The following WNT3A variants were observed in gnomAD, a reference collection of about 807,000 sequenced individuals.
WNT3A encodes the protein Wnt family member 3A, also known as protein Wnt-3a.
In WNT3A, 17 loss-of-function variants were observed where a neutral mutation model predicts 37.0. The ratio of observed to expected loss-of-function variants is 0.46; its 90% CI spans 0.31 to 0.69. The LOEUF (loss-of-function observed/expected upper bound fraction) is 0.69. Ranked by LOEUF, WNT3A falls within the 30% of genes least tolerant of loss-of-function variation. The pLI is 0.05. For missense variants in WNT3A, 411 were observed against 510.2 expected (o/e 0.81, Z 1.87); for synonymous variants, 187 against 211.0 (o/e 0.89, Z 0.99).
chr1:228,016,354 G>A (rs1571793538), intron 1 of WNT3A, among the ~76,000 whole-genome samples: 1 of 152,250 alleles, frequency 6.6e-6, no homozygotes, highest in East Asian at 1.9e-4. Flanking sequence ...CACGCTCCTG[G>A]GGCCACCCTG....
At chr1:228,032,020 C>T (rs2031022791) in intron 2 of WNT3A, among the ~76,000 whole-genome samples, 1 of 152,184 alleles carries the variant, frequency 6.6e-6, no homozygotes, top group Non-Finnish European at 1.5e-5. Context: ...CAGAGGGGAA[C>T]ATGCCATTCC....
chr1:228,056,255 A>G (rs1244685215), intron 3 of WNT3A, among the ~76,000 whole-genome samples: 1 of 152,256 alleles, frequency 6.6e-6, no homozygotes, highest in Non-Finnish European at 1.5e-5. Context: ...CCTCTGAGGA[A>G]GGACTCTAAC....
intron 2 of WNT3A, among the ~76,000 whole-genome samples, chr1:228,040,603 G>A (rs1393478102): frequency 6.6e-6 from 1 of 152,172 alleles, no homozygotes; most frequent in Non-Finnish European, 1.5e-5. Context: ...TGGAAACATG[G>A]CCGGGCGCAG....
chr1:228,013,293 C>A (rs990970152), intron 1 of WNT3A, among the ~76,000 whole-genome samples: 1 of 152,204 alleles, frequency 6.6e-6, no homozygotes, highest in Non-Finnish European at 1.5e-5. Context: ...ATCCCCCACC[C>A]CACCCCTCAC....
At chr1:228,044,493 A>ATTTTTGCAGAACAGCCAT (rs752302815) in intron 2 of WNT3A, among the ~76,000 whole-genome samples, 11 of 152,124 alleles carry the variant, frequency 7.2e-5, no homozygotes, top group Non-Finnish European at 1.6e-4. Flanking sequence ...TCTGAGGAGC[A>ATTTTTGCAGAACAGCCAT]CAATTAGGCA....
At position 228,059,115 on chromosome 1, in the gene WNT3A, A is replaced by G. The variant is rs148923278; in HGVS notation, c.709A>G (p.Ser237Gly). The change falls in exon 4 of 4, where the codon AGC becomes GGC. Residue 237 changes from serine (S) to glycine (G), a missense_variant. Transcript: ENST00000284523. Reference sequence around the variant, plus strand: ...TGACTTCCTCAAGGACAAGTACGACAGCGCCTCGGAGATGGTGGTGGAGAA... The same window carrying G: ...TGACTTCCTCAAGGACAAGTACGACGGCGCCTCGGAGATGGTGGTGGAGAA... The part of the protein sequence containing the change: ...IGDFLKDKYD[S>G]ASEMVVEKHR... The G allele has an allele frequency of 2.1e-5, 34 of 1,613,648 alleles. No individual in the cohort carries two copies. The highest frequency in any genetic ancestry group is 2.9e-5 in the Non-Finnish European group (34 of 1,179,986).
intron 2 of WNT3A, among the ~76,000 whole-genome samples, chr1:228,029,548 G>T (rs2030946589): frequency 6.6e-6 from 1 of 152,132 alleles, no homozygotes; most frequent in South Asian, 2.1e-4. Context: ...TTGCAGTCCT[G>T]GGGGTCCTGT....
At chr1:228,055,182 ATATATATATAT>A (rs1558296194) in intron 3 of WNT3A, among the ~76,000 whole-genome samples, 5 of 26,106 alleles carry the variant, frequency 1.9e-4, no homozygotes, top group African/African-American at 7.7e-4. Context: ...AAAAAAAAAT[ATATATATATAT>A]ATATATATAT....
chr1:228,031,442 G>A lies in WNT3A; in HGVS notation c.313+8534G>A, dbSNP rs1245961297. ...TGGAGATAGCTGCCAGGGTGCACAG[G>A]AGTCAGGTCCCAGGGCCGTGCAGCT... On this transcript the variant is annotated intron_variant, in intron 2 of 3. Transcript: ENST00000284523. The surrounding 1 kb of genome is among the most constrained non-coding windows in gnomAD (Gnocchi z 4.8). 6.6e-6 allele frequency among the ~76,000 whole-genome samples: 1 copy of A among 152,194 alleles called. No homozygotes were observed. The highest frequency in any genetic ancestry group is 1.5e-5 in the Non-Finnish European group (1 of 68,034).
In WNT3A at chr1:228,050,896, G is replaced by A. The variant is rs747520416; in HGVS notation, c.554G>A (p.Arg185His). The A allele has an allele frequency of 5.8e-6, 9 of 1,553,072 alleles. No homozygotes were observed. The highest frequency in any genetic ancestry group is 1.7e-4 in the Middle Eastern group (1 of 5,722). ...CCAGATGCCCGCTCAGCCATGAACC[G>A]CCACAACAACGAGGCTGGGCGCCAG... ...NRPDARSAMNRHNNEAGRQAI... is the reference protein window; with the variant it reads ...NRPDARSAMNHHNNEAGRQAI... Residue 185 changes from arginine to histidine, a missense_variant, in exon 3 of 4, where the codon CGC becomes CAC. Arg to His is a conservative substitution (Grantham distance 29, BLOSUM62 0). Coordinates refer to ENST00000284523, the MANE Select transcript of WNT3A (RefSeq NM_033131.4). This position sits in a 1 kb window ranked among gnomAD's most constrained non-coding sequence, Gnocchi z 5.0.
At position 228,059,653 on chromosome 1, in the gene WNT3A, T is replaced by C; in HGVS notation, c.*188T>C. 7.3e-7 allele frequency: 1 copy of C among 1,368,972 alleles called. No individual in the cohort carries two copies. The highest frequency in any genetic ancestry group is 2.9e-5 in the East Asian group (1 of 34,352). 84.8% of individuals were successfully genotyped at this position (1,368,972 alleles called of 1,614,324 possible). The stretch of plus-strand genomic sequence containing the variant: ...AGGCAGGGCTCCTCCCTGGAGCTAG[T>C]GTCTCCTCTCTGGTGGCTGGGCTGC... On this transcript the variant is annotated 3_prime_UTR_variant, in exon 4 of 4. Transcript: ENST00000284523.
chr1:228,045,282 T>G (rs982667303), intron 2 of WNT3A, among the ~76,000 whole-genome samples: 2 of 152,062 alleles, frequency 1.3e-5, no homozygotes, highest in African/African-American at 4.8e-5. Flanking sequence ...GACAGACTCT[T>G]GTAGTAGCCA....
intron 2 of WNT3A, among the ~76,000 whole-genome samples, chr1:228,035,985 G>A (rs1207098274): frequency 6.6e-6 from 1 of 152,206 alleles, no homozygotes; most frequent in Admixed American, 6.5e-5. Flanking sequence ...GCCTGCCATG[G>A]GGACTCAGAA....
chr1:228,056,166 T>C (rs2031680642), intron 3 of WNT3A, among the ~76,000 whole-genome samples: 1 of 152,182 alleles, frequency 6.6e-6, no homozygotes, highest in Non-Finnish European at 1.5e-5. Flanking sequence ...TTGACAAGTC[T>C]CTCCCATGTA....
chr1:228,023,456 G>C (rs2030780201), intron 2 of WNT3A, among the ~76,000 whole-genome samples: 1 of 151,826 alleles, frequency 6.6e-6, no homozygotes, highest in African/African-American at 2.4e-5. Flanking sequence ...GACAGAGAGA[G>C]AGACAGAGAG....
In WNT3A at chr1:228,059,087, C is replaced by T; in HGVS notation, c.681C>T (p.Ile227=). 1 of 1,613,762 alleles carries T rather than the reference C, an allele frequency of 6.2e-7. No homozygotes were observed. The highest frequency in any genetic ancestry group is 8.5e-7 in the Non-Finnish European group (1 of 1,179,986). ...GGTCGCAACCCGACTTCCGCGCCAT[C>T]GGTGACTTCCTCAAGGACAAGTACG... ...CWWSQPDFRA[I]GDFLKDKYDS... is the part of the protein sequence containing the mutation. The change falls in exon 4 of 4, where the codon ATC becomes ATT. Residue 227 remains isoleucine (I), a synonymous_variant. Transcript: ENST00000284523.
At chr1:228,034,543 T>G (rs565720455) in intron 2 of WNT3A, among the ~76,000 whole-genome samples, 1 of 152,356 alleles carries the variant, frequency 6.6e-6, no homozygotes, top group African/African-American at 2.4e-5. Flanking sequence ...CTTTCACCAC[T>G]GGATAGGATG....
chr1:228,046,521 T>C (rs2031410837), intron 2 of WNT3A, among the ~76,000 whole-genome samples: 1 of 150,486 alleles, frequency 6.6e-6, no homozygotes, highest in Non-Finnish European at 1.5e-5. Context: ...TATTCATGTA[T>C]GTGTATGTGT....
chr1:228,025,112 G>C (rs937080971), intron 2 of WNT3A, among the ~76,000 whole-genome samples: 1 of 152,048 alleles, frequency 6.6e-6, no homozygotes, highest in Non-Finnish European at 1.5e-5. Context: ...AGATTGTTTG[G>C]GGGGGACAGG....
Sources: gnomAD v4.1 joint callset for allele counts (sites outside exome capture counted in the v4.1 genomes callset) on GRCh38, gnomAD v4.1.1 for gene constraint, Gnocchi (gnomAD v3.1) non-coding constraint, MANE v1.5 for transcripts, NCBI Gene and HGNC (gene_info 2026-07-23, HGNC 2026-07-21) for gene names.